Variants in RGS1 observed in about 807,000 individuals in gnomAD.
RGS1 encodes regulator of G protein signaling 1, also known as B-cell activation protein BL34.
In RGS1, 11 loss-of-function variants were observed where a neutral mutation model predicts 22.2. The ratio of observed to expected loss-of-function variants is 0.50; its 90% confidence interval spans 0.31 to 0.82. The LOEUF (loss-of-function observed/expected upper bound fraction) is 0.82. Ranked by LOEUF, RGS1 falls within the 40% of genes least tolerant of loss-of-function variation. RGS1 has a pLI of 0.04. For synonymous variants in RGS1, 81 were observed against 79.9 expected (o/e 1.01, Z -0.07); for missense variants, 255 against 245.8 (o/e 1.04, Z -0.25).
Position 192,576,347 on chromosome 1 carries a change from C to A in RGS1, c.200C>A (p.Ser67Tyr), listed in dbSNP as rs758026916. 1 of 1,610,088 alleles carries A rather than the reference C, an allele frequency of 6.2e-7. No homozygotes were observed. Among genetic ancestry groups the A allele is most frequent in the Non-Finnish European group, 8.5e-7 (1 of 1,176,892 alleles). The change falls in exon 2 of 5, where the codon TCT becomes TAT. Residue 67 changes from serine to tyrosine, a missense_variant. Ser to Tyr is a moderately radical substitution (Grantham distance 144, BLOSUM62 -2). Coordinates refer to ENST00000367459, the MANE Select transcript of RGS1 (RefSeq NM_002922.4). ...MIPHLESGMK[S>Y]SKSKDVLSAA... ...CCACATCTGGAATCTGGAATGAAAT[C>A]TTCCAAGTCCAAGGATGTGTAAGTA... is the stretch of plus-strand genomic sequence containing the variant.
At chr1:192,576,911 T>C (rs1467926710) in intron 3 of RGS1, 76 bp downstream of exon 3, 5 of 1,285,308 alleles carry the variant, frequency 3.9e-6, no homozygotes, top group Non-Finnish European at 5.6e-6. Flanking sequence ...AAATATAGTA[T>C]TCTGGGTAGG....
At chr1:192,577,394 TA>T (rs1662080402) in intron 3 of RGS1, 1 of 152,068 alleles carries the variant, frequency 6.6e-6, no homozygotes, top group African/African-American at 2.4e-5. Context: ...TTTTATGACA[TA>T]AATATGATAG....
At chr1:192,576,435 C>CTTGCTGGGATAT in intron 2 of RGS1, 70 bp downstream of exon 2, 2 of 1,139,784 alleles carry the variant, frequency 1.8e-6, no homozygotes, top group Non-Finnish European at 2.6e-6. Context: ...CTCTATATCC[C>CTTGCTGGGATAT]AGCAAGGGAT....
rs1662129131 is a variant in RGS1, at chr1:192,579,465, G to C, written c.*143G>C. On this transcript the variant is annotated 3_prime_UTR_variant, in exon 5 of 5. Coordinates refer to ENST00000367459, the MANE Select transcript of RGS1 (RefSeq NM_002922.4). Reference sequence around the variant, plus strand: ...CAAATGACTCAGAATGGATTAACATGAAAGTTATCCAGGCGCAGAGTTGAA... The same window carrying C: ...CAAATGACTCAGAATGGATTAACATCAAAGTTATCCAGGCGCAGAGTTGAA... The C allele has an allele frequency of 4.3e-6, 3 of 700,042 alleles. No individual in the cohort carries two copies. The South Asian group carries it at 6.1e-5, about 14-fold the overall frequency. The allele number at this position is 700,042 out of a possible 1,614,324, so 43.4% of individuals were successfully genotyped here.
chr1:192,577,600 A>C (rs996820497), intron 3 of RGS1: 2 of 152,888 alleles, frequency 1.3e-5, no homozygotes, highest in African/African-American at 4.8e-5. Flanking sequence ...CAGACACCCT[A>C]AGGAGCTTTA....
rs1246428828 is a variant in RGS1, at chr1:192,579,208, TG to T, written c.517del (p.Glu173LysfsTer25). Reference sequence around the variant, plus strand: ...AAGCACCAACCCCCACGTGTTTTGATGAAGCACAAAAAGTCATATATACTCT... The same window carrying T: ...AAGCACCAACCCCCACGTGTTTTGATAAGCACAAAAAGTCATATATACTCT... Reference protein sequence around the residue: ...IKAPTPTCFDEAQKVIYTLME... With the variant: ...IKAPTPTCFDXAQKVIYTLME... On this transcript the variant is annotated frameshift_variant, in exon 5 of 5. Coordinates refer to ENST00000367459, the MANE Select transcript of RGS1 (RefSeq NM_002922.4). LOFTEE classifies it high-confidence loss of function. The T allele has an allele frequency of 1.2e-6, 2 of 1,613,350 alleles. No individual in the cohort carries two copies. Among genetic ancestry groups the T allele is most frequent in the East Asian group, 4.5e-5 (2 of 44,858 alleles).
rs146894683 is a variant in RGS1 at position 192,575,868 on chromosome 1, T to C, written c.76T>C (p.Leu26=). The change falls in exon 1 of 5, where the codon TTG becomes CTG. Residue 26 remains leucine (L), a synonymous_variant. Transcript: ENST00000367459. ...GMFFSANPKE[L]KGTTHSLLDD... ...GTTCTTCTCTGCTAACCCAAAGGAA[T>C]TGAAAGGAACCACTCATTCACTTCT... 1.9e-5 allele frequency: 30 copies of C among 1,613,392 alleles called. No homozygotes were observed. In the Admixed American group the frequency reaches 4.8e-4, roughly 26 times the overall value.
chr1:192,577,930 A>G (rs1662092965), intron 3 of RGS1: 1 of 345,500 alleles, frequency 2.9e-6, no homozygotes. Flanking sequence ...GTGGAGCAGA[A>G]TTTCAATTCA....
At chr1:192,577,408 G>A (rs927651156) in intron 3 of RGS1, 5 of 151,894 alleles carry the variant, frequency 3.3e-5, no homozygotes, top group Non-Finnish European at 7.4e-5. Flanking sequence ...TATGATAGAA[G>A]GATTTTTAAG....
At chr1:192,576,035 T>A in intron 1 of RGS1, 106 bp downstream of exon 1, 1 of 1,337,926 alleles carries the variant, frequency 7.5e-7, no homozygotes, top group Non-Finnish European at 1.0e-6. Flanking sequence ...TTTAGCCAGA[T>A]CAGAGGAGTT....
intron 4 of RGS1, 169 bp from the exon 5 acceptor site, chr1:192,578,968 C>T (rs1662114410): frequency 1.7e-6 from 1 of 594,646 alleles, no homozygotes; most frequent in East Asian, 3.0e-5. Context: ...TATTTCTTAT[C>T]TCCTTCACAC....
chr1:192,578,519 A>T, intron 4 of RGS1, 134 bp downstream of exon 4: 1 of 937,466 alleles, frequency 1.1e-6, no homozygotes, highest in Non-Finnish European at 1.6e-6. Flanking sequence ...GCATATAAAT[A>T]TAGTTCAGTG....
At chr1:192,578,941 C>A in intron 4 of RGS1, 196 bp from the exon 5 acceptor site, 1 of 557,678 alleles carries the variant, frequency 1.8e-6, no homozygotes, top group Non-Finnish European at 3.1e-6. Context: ...AAATTTGGAA[C>A]AAAGACATTT....
chr1:192,578,796 T>C (rs1662109952), intron 4 of RGS1: 1 of 356,462 alleles, frequency 2.8e-6, no homozygotes, highest in Non-Finnish European at 5.0e-6. Flanking sequence ...AAGCAGAAAA[T>C]ATCAACAAAA....
chr1:192,576,365 T>C lies in RGS1; in HGVS notation c.218T>C (p.Val73Ala). Reference protein sequence around the residue: ...SGMKSSKSKDVLSAAEVMQWS... With the variant: ...SGMKSSKSKDALSAAEVMQWS... Reference sequence around the variant, plus strand: ...ATGAAATCTTCCAAGTCCAAGGATGTGTAAGTACACTAATACACTAAACTA... The same window carrying C: ...ATGAAATCTTCCAAGTCCAAGGATGCGTAAGTACACTAATACACTAAACTA... The change falls in exon 2 of 5, where the codon GTA becomes GCA. Residue 73 changes from valine to alanine, a missense_variant and splice_region_variant. By Grantham distance (64) the Val-to-Ala change is moderately conservative (BLOSUM62 0). Transcript: ENST00000367459. The C allele has an allele frequency of 6.3e-7, 1 of 1,595,816 alleles. No homozygotes were observed. Among genetic ancestry groups the C allele is most frequent in the South Asian group, 1.1e-5 (1 of 90,656 alleles).
At chr1:192,576,545 C>T (rs1387906722) in intron 2 of RGS1, 180 bp downstream of exon 2, 2 of 628,838 alleles carry the variant, frequency 3.2e-6, no homozygotes, top group East Asian at 5.6e-5. Context: ...TGTACACACA[C>T]ATATTGGACT....
intron 1 of RGS1, 28 bp downstream of exon 1, chr1:192,575,957 G>A: frequency 1.9e-6 from 3 of 1,610,228 alleles, no homozygotes; most frequent in Non-Finnish European, 8.5e-7. Flanking sequence ...CTCACTTTGT[G>A]AATTTTAACA....
chr1:192,575,820 A>G lies in RGS1; in HGVS notation c.28A>G (p.Lys10Glu), dbSNP rs1662047016. MRAAAISTP[K>E]LDKMPGMFFS... ...GCGCGCAGCAGCCATCTCCACTCCA[A>G]AGTTAGACAAAATGCCAGGAATGTT... The change falls in exon 1 of 5, where the codon AAG becomes GAG. Residue 10 changes from lysine (K) to glutamate (E), a missense_variant. Physicochemically the swap from Lys to Glu is moderately conservative, Grantham distance 56. Coordinates refer to ENST00000367459, the MANE Select transcript of RGS1 (RefSeq NM_002922.4). 6.2e-7 allele frequency: 1 copy of G among 1,613,240 alleles called. No homozygotes were observed. Among genetic ancestry groups the G allele is most frequent in the Non-Finnish European group, 8.5e-7 (1 of 1,179,436 alleles).
chr1:192,576,052 C>T (rs951305523), intron 1 of RGS1, 123 bp downstream of exon 1: 10 of 1,129,304 alleles, frequency 8.9e-6, no homozygotes, highest in Non-Finnish European at 1.3e-5. Flanking sequence ...AGTTAATTGC[C>T]TGTTGTGAGT....
Sources: gnomAD v4.1 joint callset for allele counts on GRCh38, gnomAD v4.1.1 for gene constraint, MANE v1.5 for transcripts, NCBI Gene and HGNC (gene_info 2026-07-23, HGNC 2026-07-21) for gene names.